The following RAB2A variants were observed in gnomAD, a reference collection of about 807,000 sequenced individuals.
The protein encoded by RAB2A is ras-related protein Rab-2A.
A neutral mutation model predicts 32.5 loss-of-function variants in RAB2A; 7 were observed. That is an observed-to-expected ratio of 0.22 (90% confidence interval 0.12 to 0.40). The LOEUF (loss-of-function observed/expected upper bound fraction) is 0.40. RAB2A is among the 10% of genes least tolerant of loss of function. The pLI is 1.00. For synonymous variants in RAB2A, 79 were observed against 85.2 expected (o/e 0.93, Z 0.40); for missense variants, 108 against 260.7 (o/e 0.41, Z 4.03).
At chr8:60,599,290 A>G (rs1804089332) in intron 6 of RAB2A, among the ~76,000 whole-genome samples, 1 of 152,234 alleles carries the variant, frequency 6.6e-6, no homozygotes, top group African/African-American at 2.4e-5. Flanking sequence ...GTAAAAGAAA[A>G]TCTAAATAAA....
intron 5 of RAB2A, 65 bp downstream of exon 5, chr8:60,584,880 C>T: frequency 8.6e-7 from 1 of 1,162,940 alleles, no homozygotes; most frequent in South Asian, 1.6e-5. Context: ...TATTTGACTA[C>T]TTTCCTTAAC....
At chr8:60,532,741 C>T (rs1807496751) in intron 1 of RAB2A, among the ~76,000 whole-genome samples, 2 of 152,214 alleles carry the variant, frequency 1.3e-5, no homozygotes, top group Admixed American at 6.5e-5. Context: ...AATTCCCGGG[C>T]TCAAGCAATC....
At chr8:60,516,926 C>G (rs879420554), upstream of RAB2A, 55 of 308,036 alleles carry the variant, frequency 1.8e-4, no homozygotes, top group Middle Eastern at 8.7e-4. Context: ...CCGGCGGCGC[C>G]GGCGGCCGCA....
rs1476331842 is a variant in RAB2A at position 60,621,354 on chromosome 8, A to G, written c.*585A>G. On this transcript the variant is annotated 3_prime_UTR_variant, in exon 8 of 8. Transcript: ENST00000262646. ...AGAAGCATTGTTAGGAATTGCTTGG[A>G]CACTGAATTTTAAACTTTTTGACAT... 6.6e-6 allele frequency: 1 copy of G among 152,230 alleles called. No individual in the cohort carries two copies. Among genetic ancestry groups the G allele is most frequent in the Non-Finnish European group, 1.5e-5 (1 of 68,048 alleles). The allele number at this position is 152,230 out of a possible 1,614,324, so 9.4% of individuals were successfully genotyped here.
chr8:60,619,523 AAC>A (rs1804498207), intron 7 of RAB2A, among the ~76,000 whole-genome samples: 1 of 152,204 alleles, frequency 6.6e-6, no homozygotes, highest in Non-Finnish European at 1.5e-5. Flanking sequence ...TGCTCAGACA[AAC>A]AGCAGTTTAC....
chr8:60,535,285 G>A (rs189035873), intron 1 of RAB2A, among the ~76,000 whole-genome samples: 4 of 152,286 alleles, frequency 2.6e-5, no homozygotes, highest in African/African-American at 9.6e-5. Context: ...GTCAATAAAA[G>A]TACTGCTTAC....
intron 3 of RAB2A, chr8:60,576,362 C>T (rs542303199): frequency 1.8e-5 from 8 of 433,756 alleles, no homozygotes; most frequent in Admixed American, 1.7e-4. Flanking sequence ...TTCTTTTTCT[C>T]TTACTTTTTC....
At chr8:60,596,433 G>T (rs1044916518) in intron 6 of RAB2A, among the ~76,000 whole-genome samples, 136 of 152,146 alleles carry the variant, frequency 8.9e-4, no homozygotes, top group African/African-American at 3.2e-3. Context: ...AATCTACAAA[G>T]AACTTAAACA....
chr8:60,603,947 A>G (rs1001845446), intron 6 of RAB2A, among the ~76,000 whole-genome samples: 1 of 152,220 alleles, frequency 6.6e-6, no homozygotes, highest in Non-Finnish European at 1.5e-5. Context: ...ACAGACAGAT[A>G]GGGTTTGGAT....
chr8:60,598,319 C>T (rs908089579), intron 6 of RAB2A, among the ~76,000 whole-genome samples: 11 of 152,172 alleles, frequency 7.2e-5, no homozygotes, highest in South Asian at 6.2e-4. Flanking sequence ...TTCTACCAGA[C>T]GTTTAAAAAA....
At chr8:60,527,197 G>A (rs945725360) in intron 1 of RAB2A, among the ~76,000 whole-genome samples, 3 of 152,016 alleles carry the variant, frequency 2.0e-5, no homozygotes, top group African/African-American at 4.8e-5. Context: ...ACCAGATCTC[G>A]TGAGAACTCA....
intron 6 of RAB2A, among the ~76,000 whole-genome samples, chr8:60,607,068 C>T (rs572459736): frequency 6.7e-6 from 1 of 149,598 alleles, no homozygotes; most frequent in East Asian, 1.9e-4. Flanking sequence ...CTTTTTTAAG[C>T]TAAACTAAGA....
intron 1 of RAB2A, among the ~76,000 whole-genome samples, chr8:60,526,017 G>GCACATATA (rs879271913): frequency 0.046 from 3,374 of 73,584 alleles, 149 homozygotes; most frequent in Middle Eastern, 0.06. Flanking sequence ...ATGTGTGTGT[G>GCACATATA]TACATATATA....
chr8:60,610,815 C>G (rs1380496259), intron 6 of RAB2A, among the ~76,000 whole-genome samples: 1 of 152,196 alleles, frequency 6.6e-6, no homozygotes, highest in Non-Finnish European at 1.5e-5. Flanking sequence ...CATATACTTA[C>G]ACACTCACAT....
At chr8:60,549,276 G>C (rs575162578) in intron 1 of RAB2A, among the ~76,000 whole-genome samples, 1 of 152,348 alleles carries the variant, frequency 6.6e-6, no homozygotes, top group East Asian at 1.9e-4. Context: ...CACTTTGGGA[G>C]GCCAAGGCAG....
At chr8:60,569,065 T>A (rs1376929007) in intron 2 of RAB2A, among the ~76,000 whole-genome samples, 1 of 152,218 alleles carries the variant, frequency 6.6e-6, no homozygotes, top group Non-Finnish European at 1.5e-5. Context: ...TAAAGGGGAA[T>A]TGGACCCAGT....
chr8:60,618,778 G>T (rs1271315677), intron 7 of RAB2A, 130 bp downstream of exon 7: 1 of 298,744 alleles, frequency 3.3e-6, no homozygotes, highest in Admixed American at 6.2e-5. Context: ...ATGATAATCA[G>T]TTAACACCAT....
intron 3 of RAB2A, among the ~76,000 whole-genome samples, chr8:60,579,923 G>GT: frequency 7.2e-6 from 1 of 138,756 alleles, no homozygotes; most frequent in East Asian, 2.3e-4. Context: ...CACCGCGCCT[G>GT]GCCCTAGGTT....
At chr8:60,573,846 A>G (rs1407531611) in intron 3 of RAB2A, among the ~76,000 whole-genome samples, 1 of 152,228 alleles carries the variant, frequency 6.6e-6, no homozygotes, top group Non-Finnish European at 1.5e-5. Context: ...GCAGTGGCAC[A>G]ATCATAGCTC....
Sources: allele counts gnomAD v4.1 joint callset (sites outside exome capture counted in the v4.1 genomes callset), GRCh38; gene constraint gnomAD v4.1.1; transcripts MANE v1.5; gene names NCBI Gene and HGNC (gene_info 2026-07-23, HGNC 2026-07-21).